CDC73: variants seen among roughly 807,000 people sequenced by gnomAD.
CDC73 encodes cell division cycle 73, also known as parafibromin.
Under a neutral mutation model 83.7 loss-of-function variants are expected in CDC73, and 21 were observed. That is an observed-to-expected ratio of 0.25 (90% CI 0.18 to 0.36). The LOEUF is 0.36. Ranked by LOEUF, CDC73 falls within the 10% of genes least tolerant of loss-of-function variation. The pLI, the probability that CDC73 is intolerant of heterozygous loss-of-function variation, is 1.00. For missense variants in CDC73, 342 were observed against 653.3 expected (o/e 0.52, Z 5.19); for synonymous variants, 224 against 212.9 (o/e 1.05, Z -0.45).
intron 10 of CDC73, among the ~76,000 whole-genome samples, chr1:193,187,750 A>C (rs1349247342): frequency 6.6e-6 from 1 of 152,146 alleles, no homozygotes; most frequent in Non-Finnish European, 1.5e-5. Flanking sequence ...TTTTGTCCAC[A>C]TATTTTTGAG....
chr1:193,151,086 A>G (rs1216519533), intron 9 of CDC73, among the ~76,000 whole-genome samples: 1 of 152,220 alleles, frequency 6.6e-6, no homozygotes, highest in East Asian at 1.9e-4. Flanking sequence ...TAATGCAATA[A>G]CACCATTTCT....
chr1:193,182,123 T>A (rs890056697), intron 10 of CDC73, among the ~76,000 whole-genome samples: 1 of 152,112 alleles, frequency 6.6e-6, no homozygotes, highest in Admixed American at 6.6e-5. Context: ...TTTTGTAAAA[T>A]GGTCATGTAT....
chr1:193,144,511 G>T (rs1183795521), intron 7 of CDC73, among the ~76,000 whole-genome samples: 3 of 152,132 alleles, frequency 2.0e-5, no homozygotes, highest in Non-Finnish European at 4.4e-5. Context: ...TTGCAGTGAT[G>T]GTACACAATC....
intron 10 of CDC73, among the ~76,000 whole-genome samples, chr1:193,174,524 A>G (rs984752403): frequency 1.3e-5 from 2 of 152,088 alleles, no homozygotes; most frequent in African/African-American, 4.8e-5. Context: ...TATTTTCCAT[A>G]CTTTCATATG....
At chr1:193,130,033 C>T in intron 2 of CDC73, 141 bp from the exon 3 acceptor site, 8 of 617,838 alleles carry the variant, frequency 1.3e-5, no homozygotes, top group South Asian at 7.9e-5. Context: ...TTCTTTTAGC[C>T]TAGTCATTTT....
At chr1:193,163,918 A>G (rs1162377277) in intron 10 of CDC73, among the ~76,000 whole-genome samples, 3 of 151,930 alleles carry the variant, frequency 2.0e-5, no homozygotes, top group African/African-American at 7.3e-5. Flanking sequence ...AGCTGGTATT[A>G]CAGGTGCCCG....
intron 10 of CDC73, among the ~76,000 whole-genome samples, chr1:193,178,699 A>G (rs1261741037): frequency 2.6e-5 from 4 of 152,178 alleles, no homozygotes; most frequent in Non-Finnish European, 5.9e-5. Context: ...GGCTTGATCC[A>G]AGAGCTGGGG....
intron 10 of CDC73, among the ~76,000 whole-genome samples, chr1:193,169,101 A>G (rs1161935349): frequency 1.3e-5 from 2 of 152,178 alleles, no homozygotes; most frequent in Non-Finnish European, 2.9e-5. Flanking sequence ...ATATGGAGGC[A>G]ACTGTTTATT....
At chr1:193,174,000 G>T (rs1471494989) in intron 10 of CDC73, among the ~76,000 whole-genome samples, 1 of 152,002 alleles carries the variant, frequency 6.6e-6, no homozygotes, top group East Asian at 1.9e-4. Context: ...TGGTTTATCT[G>T]CATTCCTGAA....
intron 13 of CDC73, among the ~76,000 whole-genome samples, chr1:193,224,586 A>T (rs1572210073): frequency 6.6e-6 from 1 of 152,186 alleles, no homozygotes; most frequent in Admixed American, 6.6e-5. Flanking sequence ...CATATATGAA[A>T]TATGCATTCA....
chr1:193,215,081 C>G (rs1558313675), intron 13 of CDC73, among the ~76,000 whole-genome samples: 1 of 152,186 alleles, frequency 6.6e-6, no homozygotes, highest in Non-Finnish European at 1.5e-5. Context: ...GTTTCAATGC[C>G]TTATTCTAAG....
chr1:193,230,218 G>A (rs1014761252), intron 13 of CDC73, among the ~76,000 whole-genome samples: 12 of 146,698 alleles, frequency 8.2e-5, no homozygotes, highest in Non-Finnish European at 1.3e-4. Flanking sequence ...GTGTGATCTC[G>A]GCTTGCTGCA....
At chr1:193,200,740 C>G (rs1302010699) in intron 10 of CDC73, among the ~76,000 whole-genome samples, 1 of 151,638 alleles carries the variant, frequency 6.6e-6, no homozygotes, top group South Asian at 2.1e-4. Context: ...ATTATTTTTT[C>G]TGTTTCTTAA....
chr1:193,240,065 A>C (rs1677831005), intron 15 of CDC73, among the ~76,000 whole-genome samples: 1 of 152,126 alleles, frequency 6.6e-6, no homozygotes, highest in Non-Finnish European at 1.5e-5. Flanking sequence ...GTCTACCTCC[A>C]TGAGATCAAC....
At chr1:193,202,822 A>G (rs535497832) in intron 10 of CDC73, among the ~76,000 whole-genome samples, 3 of 152,174 alleles carry the variant, frequency 2.0e-5, no homozygotes, top group East Asian at 3.9e-4. Flanking sequence ...GCTATTTCAA[A>G]CAGTTTTACC....
chr1:193,133,064 G>C (rs1675724492), intron 3 of CDC73, among the ~76,000 whole-genome samples: 1 of 151,862 alleles, frequency 6.6e-6, no homozygotes, highest in African/African-American at 2.4e-5. Context: ...ACCACGCCTG[G>C]CTAACTTTTT....
chr1:193,201,253 G>T (rs1411793928), intron 10 of CDC73, among the ~76,000 whole-genome samples: 10 of 152,268 alleles, frequency 6.6e-5, no homozygotes, highest in Non-Finnish European at 4.4e-5. Flanking sequence ...AGTGTGTGTG[G>T]GGTTTGTAGA....
chr1:193,210,111 GAAGA>G (rs1303280523), intron 11 of CDC73, among the ~76,000 whole-genome samples: 3 of 152,074 alleles, frequency 2.0e-5, no homozygotes, highest in African/African-American at 7.2e-5. Flanking sequence ...TTCTCAGCAA[GAAGA>G]AAGATGAGAA....
intron 10 of CDC73, among the ~76,000 whole-genome samples, chr1:193,196,020 T>G (rs982339046): frequency 6.6e-6 from 1 of 152,182 alleles, no homozygotes; most frequent in Non-Finnish European, 1.5e-5. Context: ...GTTTGTTTCT[T>G]TTTCCGTTGT....
Sources: allele counts gnomAD v4.1 joint callset (sites outside exome capture counted in the v4.1 genomes callset), GRCh38; gene constraint gnomAD v4.1.1; transcripts MANE v1.5; gene names NCBI Gene and HGNC (gene_info 2026-07-23, HGNC 2026-07-21).